Variants in SMG7 observed in about 807,000 individuals in gnomAD.
SMG7 encodes SMG7 nonsense mediated mRNA decay factor.
SMG7 carries 34 observed loss-of-function variants against 148.2 expected under a neutral mutation model. The observed-to-expected ratio is 0.23, with a 90% CI of 0.17 to 0.31. The LOEUF (loss-of-function observed/expected upper bound fraction) is 0.31, where lower values mean the gene tolerates loss of function less well. Ranked by LOEUF, SMG7 falls within the 10% of genes least tolerant of loss-of-function variation. The probability of loss-of-function intolerance (pLI) is 1.00; values close to 1 mark genes in which losing one functional copy is unlikely to be tolerated. For missense variants in SMG7, 1,114 were observed against 1,408.4 expected, an observed-to-expected ratio of 0.79 and a Z score of 3.35; for synonymous variants, 492 against 515.1, an observed-to-expected ratio of 0.96 and a Z score of 0.61.
In SMG7 at chr1:183,526,731, A is replaced by G; in HGVS notation, c.448A>G (p.Ile150Val). 6.2e-7 allele frequency: 1 copy of G among 1,613,604 alleles called. No homozygotes were observed. ...GCCACAGTCTAGCTCCTGTTCCTAT[A>G]TCTGCCAGCACTGCCTCGTCCACCT... ...VKPQSSSCSY[I>V]CQHCLVHLGD... The change falls in exon 5 of 23, where the codon ATC becomes GTC. Residue 150 changes from isoleucine (I) to valine (V), a missense_variant. Ile to Val is a conservative substitution (Grantham distance 29). This residue lies in a region of SMG7 where 216 missense variants were observed against 329.1 expected (regional missense o/e 0.66). Transcript: ENST00000688051.
At chr1:183,520,871 T>C (rs1664606551) in intron 4 of SMG7, among the ~76,000 whole-genome samples, 1 of 152,180 alleles carries the variant, frequency 6.6e-6, no homozygotes, top group Non-Finnish European at 1.5e-5. Context: ...TGTAAATGTC[T>C]CAAAAATTGT....
At chr1:183,523,514 A>G (rs1209662826) in intron 4 of SMG7, among the ~76,000 whole-genome samples, 1 of 152,238 alleles carries the variant, frequency 6.6e-6, no homozygotes, top group African/African-American at 2.4e-5. Context: ...ATAATGAAGT[A>G]ACTAAGTTCT....
chr1:183,528,319 A>G (rs145803066), intron 6 of SMG7, among the ~76,000 whole-genome samples: 5 of 152,182 alleles, frequency 3.3e-5, no homozygotes, highest in African/African-American at 1.2e-4. Flanking sequence ...GGCTTCCTTA[A>G]TTGCTTATAG....
chr1:183,542,599 G>T, intron 14 of SMG7, 97 bp downstream of exon 14: 1 of 1,019,054 alleles, frequency 9.8e-7, no homozygotes, highest in East Asian at 2.5e-5. Flanking sequence ...TGGCCGTCCT[G>T]GAAGTTTAAA....
At position 183,473,523 on chromosome 1, in the gene SMG7, A is replaced by T. The variant is rs1410495130; in HGVS notation, c.29+874A>T. ...GAACTTAGTACCTGATGGCGAGAAC[A>T]TATTGAATGGAAGGACACCAGCTTT... On this transcript the variant is annotated intron_variant, in intron 1 of 22. Transcript: ENST00000688051. 3.3e-5 allele frequency among the ~76,000 whole-genome samples: 5 copies of T among 152,170 alleles called. No individual in the cohort carries two copies. The South Asian group carries it at 8.3e-4, about 25-fold the overall frequency.
chr1:183,523,347 C>T (rs1392136125), intron 4 of SMG7, among the ~76,000 whole-genome samples: 1 of 152,114 alleles, frequency 6.6e-6, no homozygotes, highest in African/African-American at 2.4e-5. Flanking sequence ...GTCACTACCT[C>T]TGTGGTGCTT....
In SMG7 at chr1:183,527,964, A is replaced by G; in HGVS notation, c.493A>G (p.Arg165Gly). 6.2e-7 allele frequency: 1 copy of G among 1,613,358 alleles called. No homozygotes were observed. Among genetic ancestry groups the G allele is most frequent in the Non-Finnish European group, 8.5e-7 (1 of 1,179,538 alleles). The change falls in exon 6 of 23, where the codon AGA (arginine) becomes GGA (glycine). Residue 165 changes from arginine to glycine, a missense_variant. Arg to Gly is a moderately radical substitution (Grantham distance 125). Transcript: ENST00000688051. This position sits in a 1 kb window ranked among gnomAD's most constrained non-coding sequence, Gnocchi z 4.0. ...LVHLGDIARY[R>G]NQTSQAESYY... is the part of the protein sequence containing the mutation. ...AATTTTCTTCTTCTTAGCTCGATAC[A>G]GAAACCAGACCAGCCAGGCAGAGTC... is the stretch of plus-strand genomic sequence containing the variant.
chr1:183,477,529 T>C (rs1186112179), intron 1 of SMG7, among the ~76,000 whole-genome samples: 1 of 150,826 alleles, frequency 6.6e-6, no homozygotes, highest in African/African-American at 2.4e-5. Flanking sequence ...TGTGTGTGCA[T>C]ATGTGTATAT....
chr1:183,511,069 G>C (rs1440823244), intron 1 of SMG7, among the ~76,000 whole-genome samples: 2 of 151,972 alleles, frequency 1.3e-5, no homozygotes, highest in African/African-American at 4.8e-5. Flanking sequence ...GGCTGAGGCA[G>C]GAGGATCTCT....
At position 183,552,423 on chromosome 1, in the gene SMG7, CA is replaced by C; in HGVS notation, c.*493del. ...ATTATTACTCTCAGTAGTAAAATATCACACTGAATTCTTCCATACACAGGTG... is the reference window on the plus strand; with the variant it reads ...ATTATTACTCTCAGTAGTAAAATATCCACTGAATTCTTCCATACACAGGTG... On this transcript the variant is annotated 3_prime_UTR_variant, in exon 23 of 23. Transcript: ENST00000688051. 1.0e-6 allele frequency: 1 copy of C among 990,314 alleles called. No individual in the cohort carries two copies. The highest frequency in any genetic ancestry group is 1.7e-5 in the African/African-American group (1 of 57,434). The allele number at this position is 990,314 out of a possible 1,614,324, so 61.3% of individuals were successfully genotyped here.
At chr1:183,502,218 G>A (rs942532956) in intron 1 of SMG7, 1 of 1,372,224 alleles carries the variant, frequency 7.3e-7, no homozygotes, top group Non-Finnish European at 9.6e-7. Context: ...TGTTATTGTG[G>A]GTTAACTCAT....
chr1:183,508,085 A>G (rs1661321977), intron 1 of SMG7: 16 of 801,738 alleles, frequency 2.0e-5, no homozygotes, highest in Admixed American at 6.2e-5. Context: ...ACCAAGAGAA[A>G]ACATTTTAAA....
rs1670049454 is a variant in SMG7 at position 183,547,051 on chromosome 1, T to C, written c.2743-52T>C. ...CCACCTAATTATGCTACTATTCCTT[T>C]ATGCTTTTGTTATCCCTTATTGCTT... On this transcript the variant is annotated intron_variant, in intron 17 of 22. Coordinates refer to ENST00000688051, the MANE Select transcript of SMG7 (RefSeq NM_001375584.1). 2.0e-6 allele frequency: 3 copies of C among 1,506,862 alleles called. No homozygotes were observed. In the South Asian group the frequency reaches 3.8e-5, roughly 19 times the overall value. The allele number at this position is 1,506,862 out of a possible 1,614,324, so 93.3% of individuals were successfully genotyped here.
intron 4 of SMG7, among the ~76,000 whole-genome samples, chr1:183,518,310 G>A (rs980992219): frequency 6.6e-6 from 1 of 152,074 alleles, no homozygotes; most frequent in Non-Finnish European, 1.5e-5. Flanking sequence ...TTTTAAAAGG[G>A]TTGATGTTTA....
chr1:183,498,719 T>TG (rs2102291762), intron 1 of SMG7, among the ~76,000 whole-genome samples: 1 of 152,162 alleles, frequency 6.6e-6, no homozygotes, highest in African/African-American at 2.4e-5. Context: ...CCCACCAGAG[T>TG]GGTACATTTG....
chr1:183,513,875 C>G, intron 2 of SMG7, among the ~76,000 whole-genome samples: 1 of 151,668 alleles, frequency 6.6e-6, no homozygotes, highest in East Asian at 2.0e-4. Flanking sequence ...ATTAAAAATA[C>G]AAAAATTAGC....
chr1:183,545,137 G>A lies in SMG7; in HGVS notation c.2195G>A (p.Gly732Glu). The change falls in exon 16 of 23, where the codon GGA becomes GAA. Residue 732 changes from glycine (G) to glutamate (E), a missense_variant. Coordinates refer to ENST00000688051, the MANE Select transcript of SMG7 (RefSeq NM_001375584.1). ...TCTGGACCAGGGCCAATGAACCAGG[G>A]ACCTCAACAATCACAGCCACCTTCC... is the stretch of plus-strand genomic sequence containing the variant. ...RPSGPGPMNQ[G>E]PQQSQPPSQQ... is the part of the protein sequence containing the mutation. 6.2e-7 allele frequency: 1 copy of A among 1,613,976 alleles called. No homozygotes were observed. Among genetic ancestry groups the A allele is most frequent in the Non-Finnish European group, 8.5e-7 (1 of 1,179,974 alleles).
At chr1:183,472,699 G>A in intron 1 of SMG7, 50 bp downstream of exon 1, 1 of 1,433,260 alleles carries the variant, frequency 7.0e-7, no homozygotes, top group Non-Finnish European at 9.2e-7. Flanking sequence ...CCGCAGGTTG[G>A]GGCATGGAGC....
Position 183,553,608 on chromosome 1 carries a change from G to GCCACCCCCC in SMG7, c.*1679_*1680insACCCCCCCC, listed in dbSNP as rs1671400648. The stretch of plus-strand genomic sequence containing the variant: ...TTGCTCTTCAGAGAGAGTGGTTGGA[G>GCCACCCCCC]CCCCCCCCGCCCCGTATGCTTACAT... On this transcript the variant is annotated 3_prime_UTR_variant, in exon 23 of 23. Transcript: ENST00000688051. 1 of 128,298 alleles carries GCCACCCCCC rather than the reference G, an allele frequency of 7.8e-6. No individual in the cohort carries two copies. Among genetic ancestry groups the GCCACCCCCC allele is most frequent in the Non-Finnish European group, 1.7e-5 (1 of 59,304 alleles). 7.9% of individuals were successfully genotyped at this position (128,298 alleles called of 1,614,324 possible).
Sources: gnomAD v4.1 joint callset for allele counts (sites outside exome capture counted in the v4.1 genomes callset) on GRCh38, gnomAD v4.1.1 for gene constraint, gnomAD v4.1.1 regional missense constraint, Gnocchi (gnomAD v3.1) non-coding constraint, MANE v1.5 for transcripts, NCBI Gene and HGNC (gene_info 2026-07-23, HGNC 2026-07-21) for gene names.